Variants in CPNE4 observed in about 807,000 individuals in gnomAD.
The protein encoded by CPNE4 is copine-4.
CPNE4 carries 25 observed loss-of-function variants against 67.9 expected under a neutral mutation model. The observed-to-expected ratio is 0.37, with a 90% CI of 0.27 to 0.51. CPNE4 has a LOEUF of 0.51. Ranked by LOEUF, CPNE4 falls within the 20% of genes least tolerant of loss-of-function variation. CPNE4 has a pLI of 0.93. For synonymous variants in CPNE4, 242 were observed against 244.9 expected, an observed-to-expected ratio of 0.99 and a Z score of 0.11; for missense variants, 464 against 690.8, an observed-to-expected ratio of 0.67 and a Z score of 3.68.
At chr3:131,547,776 G>A (rs1464612745) in intron 14 of CPNE4, among the ~76,000 whole-genome samples, 1 of 152,152 alleles carries the variant, frequency 6.6e-6, no homozygotes, top group African/African-American at 2.4e-5. Context: ...CCACCGGTTA[G>A]TGATTTCAAG....
chr3:131,951,957 A>G (rs1018736056), intron 1 of CPNE4, among the ~76,000 whole-genome samples: 2 of 152,060 alleles, frequency 1.3e-5, no homozygotes, highest in South Asian at 2.1e-4. Flanking sequence ...CCAAAGTGCC[A>G]AGATTGCAGC....
intron 2 of CPNE4, among the ~76,000 whole-genome samples, chr3:131,792,686 TGTATATATACATATACACACAC>T (rs1252108830): frequency 0.044 from 2,734 of 61,582 alleles, 321 homozygotes; most frequent in Non-Finnish European, 0.063. Context: ...TATACACACG[TGTATATATACATATACACACAC>T]GTGTATATAT....
intron 2 of CPNE4, among the ~76,000 whole-genome samples, chr3:131,765,165 G>A (rs2082980145): frequency 6.6e-6 from 1 of 152,068 alleles, no homozygotes; most frequent in African/African-American, 2.4e-5. Context: ...AGGGATCAAG[G>A]CTTCCTTCCT....
chr3:131,737,115 CTTTTTTTTTTTTT>C (rs71788145), intron 2 of CPNE4, among the ~76,000 whole-genome samples: 4 of 49,362 alleles, frequency 8.1e-5, no homozygotes, highest in South Asian at 1.2e-3. Flanking sequence ...AGTATTGTGT[CTTTTTTTTTTTTT>C]TTTTTTTTTT....
At chr3:131,989,092 T>A (rs192841821) in intron 1 of CPNE4, among the ~76,000 whole-genome samples, 247 of 151,894 alleles carry the variant, frequency 1.6e-3, no homozygotes, top group Admixed American at 5.4e-3. Context: ...CTCAGAGTGA[T>A]GCATTTTAAA....
intron 2 of CPNE4, among the ~76,000 whole-genome samples, chr3:131,874,145 G>C (rs1490666560): frequency 1.3e-5 from 2 of 150,832 alleles, no homozygotes; most frequent in African/African-American, 4.9e-5. Flanking sequence ...CTGGAGTGCA[G>C]TGGCGCAATC....
rs751081816 is a variant in CPNE4, at chr3:131,570,321, TTA to T, written c.927+4748_927+4749del. Among the ~76,000 whole-genome samples, 753 of 147,916 alleles carry T rather than the reference TTA, an allele frequency of 5.1e-3. 9 individuals carry two copies. The highest frequency in any genetic ancestry group is 0.018 in the African/African-American group (684 of 38,254). On this transcript the variant is annotated intron_variant, in intron 10 of 15. Coordinates refer to ENST00000429747, the MANE Select transcript of CPNE4 (RefSeq NM_130808.3). ...CCATTTTCTCTTTTTATTTATTTATTTATTTATTTATTTTTTTAAAATTTTTT... is the reference window on the plus strand; with the variant it reads ...CCATTTTCTCTTTTTATTTATTTATTTTTATTTATTTTTTTAAAATTTTTT...
intron 7 of CPNE4, among the ~76,000 whole-genome samples, chr3:131,649,706 A>G (rs1353530526): frequency 1.3e-5 from 2 of 152,126 alleles, no homozygotes; most frequent in Non-Finnish European, 2.9e-5. Flanking sequence ...ATGAAACGAG[A>G]TCTTGTGGGC....
intron 1 of CPNE4, among the ~76,000 whole-genome samples, chr3:132,015,644 A>C (rs941497859): frequency 2.6e-5 from 4 of 152,248 alleles, no homozygotes; most frequent in Non-Finnish European, 4.4e-5. Context: ...ATTTGATAAA[A>C]GGATTGTTTT....
intron 1 of CPNE4, among the ~76,000 whole-genome samples, chr3:131,985,377 C>T (rs1439959360): frequency 3.3e-5 from 5 of 152,174 alleles, no homozygotes; most frequent in Non-Finnish European, 1.5e-5. Flanking sequence ...GGGGACCCAA[C>T]CAAAGATATT....
chr3:131,984,591 G>A (rs1476513123), intron 1 of CPNE4, among the ~76,000 whole-genome samples: 1 of 152,144 alleles, frequency 6.6e-6, no homozygotes, highest in Non-Finnish European at 1.5e-5. Flanking sequence ...AGATATCAGT[G>A]CCTGCCTATG....
At chr3:131,837,442 TAC>T (rs997694799) in intron 2 of CPNE4, among the ~76,000 whole-genome samples, 59 of 152,080 alleles carry the variant, frequency 3.9e-4, no homozygotes, top group Admixed American at 2.0e-4. Context: ...CCCAAATAGT[TAC>T]ACAGTGTGTG....
chr3:131,569,905 GA>G (rs1019441042), intron 10 of CPNE4, among the ~76,000 whole-genome samples: 1 of 151,610 alleles, frequency 6.6e-6, no homozygotes, highest in African/African-American at 2.4e-5. Context: ...AAATTAATAA[GA>G]AAAAAATATC....
At position 131,814,750 on chromosome 3, in the gene CPNE4, G is replaced by A. The variant is rs1394385448; in HGVS notation, c.180+90514C>T. ...CTCCCAAGTAGCTGGGACTACAGGC[G>A]CCCGCCACTACGCCCGGCTAATTTT... is the stretch of plus-strand genomic sequence containing the variant. On this transcript the variant is annotated intron_variant, in intron 2 of 15. Coordinates refer to ENST00000429747, the MANE Select transcript of CPNE4 (RefSeq NM_130808.3). Among the ~76,000 whole-genome samples, 4 of 142,710 alleles carry A rather than the reference G, an allele frequency of 2.8e-5. 1 individual carries two copies. The highest frequency in any genetic ancestry group is 8.6e-5 in the African/African-American group (3 of 35,070). The allele number at this position is 142,710 out of a possible 152,430, so 93.6% of individuals were successfully genotyped here.
intron 7 of CPNE4, among the ~76,000 whole-genome samples, chr3:131,664,660 AAAC>A (rs2080213291): frequency 6.6e-6 from 1 of 152,202 alleles, no homozygotes; most frequent in African/African-American, 2.4e-5. Context: ...AATCTGATTA[AAAC>A]AACATTGAAT....
intron 10 of CPNE4, among the ~76,000 whole-genome samples, chr3:131,568,398 G>T (rs1937168202): frequency 6.6e-6 from 1 of 152,006 alleles, no homozygotes; most frequent in South Asian, 2.1e-4. Context: ...ATTAAGTTGA[G>T]AAATAAAAGC....
At chr3:131,851,760 TCCCTCAATTC>T (rs900862361) in intron 2 of CPNE4, among the ~76,000 whole-genome samples, 1 of 152,052 alleles carries the variant, frequency 6.6e-6, no homozygotes, top group African/African-American at 2.4e-5. Flanking sequence ...TTCCTGGCTT[TCCCTCAATTC>T]AGTTACCACC....
At chr3:131,618,376 C>A (rs556082183) in intron 7 of CPNE4, among the ~76,000 whole-genome samples, 1 of 152,058 alleles carries the variant, frequency 6.6e-6, no homozygotes, top group Non-Finnish European at 1.5e-5. Context: ...ATCACCTCAC[C>A]AACTTATGAC....
intron 1 of CPNE4, among the ~76,000 whole-genome samples, chr3:131,984,788 T>G (rs538754788): frequency 6.6e-6 from 1 of 152,308 alleles, no homozygotes; most frequent in Admixed American, 6.5e-5. Context: ...CCTCAGTTTC[T>G]TCTGTCTTCT....
Sources: gnomAD v4.1 joint callset for allele counts (sites outside exome capture counted in the v4.1 genomes callset) on GRCh38, gnomAD v4.1.1 for gene constraint, MANE v1.5 for transcripts, NCBI Gene and HGNC (gene_info 2026-07-23, HGNC 2026-07-21) for gene names.